B3GLCT: variants seen among roughly 807,000 people sequenced by gnomAD.
B3GLCT encodes beta 3-glucosyltransferase, also known as beta-1,3-glucosyltransferase.
B3GLCT carries 65 observed loss-of-function variants against 63.4 expected under a neutral mutation model. That is an observed-to-expected ratio of 1.03 (90% CI 0.84 to 1.26). B3GLCT has a LOEUF of 1.26. Ranked by LOEUF, B3GLCT falls within the 50% of genes most tolerant of loss-of-function variation. B3GLCT has a pLI of 0.00. For synonymous variants in B3GLCT, 233 were observed against 219.2 expected (o/e 1.06, Z -0.55); for missense variants, 577 against 604.8 (o/e 0.95, Z 0.48).
intron 12 of B3GLCT, among the ~76,000 whole-genome samples, chr13:31,289,371 A>T (rs1873526268): frequency 6.6e-6 from 1 of 152,206 alleles, no homozygotes; most frequent in Admixed American, 6.5e-5. Flanking sequence ...CAAAAGAGTT[A>T]GATATTTAGA....
chr13:31,327,140 T>C (rs995436601), intron 14 of B3GLCT, among the ~76,000 whole-genome samples: 2 of 152,242 alleles, frequency 1.3e-5, no homozygotes, highest in African/African-American at 2.4e-5. Flanking sequence ...TTTTTTCTTA[T>C]ATTTTACATA....
At chr13:31,234,744 G>A (rs1870563034) in intron 4 of B3GLCT, among the ~76,000 whole-genome samples, 1 of 152,128 alleles carries the variant, frequency 6.6e-6, no homozygotes, top group Non-Finnish European at 1.5e-5. Flanking sequence ...GTATTCTGAG[G>A]TGTATCTCTT....
chr13:31,253,510 G>A (rs964690945), intron 6 of B3GLCT, among the ~76,000 whole-genome samples: 21 of 148,580 alleles, frequency 1.4e-4, no homozygotes, highest in African/African-American at 4.2e-4. Context: ...GGAGAATGGC[G>A]TGAACCCGGC....
intron 6 of B3GLCT, among the ~76,000 whole-genome samples, chr13:31,259,889 G>T (rs554951818): frequency 1.3e-5 from 2 of 152,056 alleles, no homozygotes; most frequent in Admixed American, 6.5e-5. Flanking sequence ...CAACGTGCAG[G>T]TTTGTTTTCT....
chr13:31,255,024 AAAG>A (rs1871655391), intron 6 of B3GLCT, among the ~76,000 whole-genome samples: 1 of 48,562 alleles, frequency 2.1e-5, no homozygotes, highest in Admixed American at 2.7e-4. Context: ...GTGACAGTGC[AAAG>A]ACGCTGTCTC....
chr13:31,273,934 C>T (rs1481234334), intron 8 of B3GLCT, among the ~76,000 whole-genome samples: 1 of 152,170 alleles, frequency 6.6e-6, no homozygotes, highest in Non-Finnish European at 1.5e-5. Context: ...TTGGGTGGGT[C>T]ATAGACTTCA....
intron 14 of B3GLCT, among the ~76,000 whole-genome samples, chr13:31,328,488 G>A (rs746411352): frequency 9.9e-5 from 15 of 152,044 alleles, no homozygotes; most frequent in Non-Finnish European, 1.0e-4. Context: ...GAGGTCAGGG[G>A]TTCGAGACCA....
At chr13:31,242,834 T>G (rs1378198914) in intron 4 of B3GLCT, among the ~76,000 whole-genome samples, 1 of 152,248 alleles carries the variant, frequency 6.6e-6, no homozygotes, top group Non-Finnish European at 1.5e-5. Flanking sequence ...CATTTAATGA[T>G]TAAGACAGGT....
chr13:31,254,864 C>T (rs564308537), intron 6 of B3GLCT, among the ~76,000 whole-genome samples: 2 of 151,832 alleles, frequency 1.3e-5, no homozygotes. Flanking sequence ...AGTAAAACCC[C>T]GTCTCTACTA....
At chr13:31,206,271 T>C (rs1868945724) in intron 1 of B3GLCT, among the ~76,000 whole-genome samples, 1 of 152,192 alleles carries the variant, frequency 6.6e-6, no homozygotes, top group Non-Finnish European at 1.5e-5. Flanking sequence ...CCTGTATTTG[T>C]TAAAATGCAG....
intron 1 of B3GLCT, among the ~76,000 whole-genome samples, chr13:31,208,256 C>T (rs146852210): frequency 1.6e-3 from 248 of 152,250 alleles, no homozygotes; most frequent in African/African-American, 5.7e-3. Context: ...AAACAGCTGC[C>T]TTCTCTCCTG....
At chr13:31,235,012 G>T (rs1167496902) in intron 4 of B3GLCT, among the ~76,000 whole-genome samples, 2 of 152,116 alleles carry the variant, frequency 1.3e-5, no homozygotes, top group Admixed American at 6.5e-5. Flanking sequence ...CACAGGGCGG[G>T]TTGCAGACTG....
chr13:31,274,622 G>T lies in B3GLCT; in HGVS notation c.774G>T (p.Pro258=). 1.2e-6 allele frequency: 2 copies of T among 1,614,092 alleles called. No individual in the cohort carries two copies. Among genetic ancestry groups the T allele is most frequent in the South Asian group, 1.1e-5 (1 of 91,080 alleles). ...YCATTFHSFL[P]LCRKPVKKKD... is the part of the protein sequence containing the mutation. The stretch of plus-strand genomic sequence containing the variant: ...CTACCACATTCCATTCTTTTCTACC[G>T]CTTTGTGTGAGTAACAGAAGAAAAA... Residue 258 remains proline, a synonymous_variant, in exon 9 of 15, where the codon CCG becomes CCT. Coordinates refer to ENST00000343307, the MANE Select transcript of B3GLCT (RefSeq NM_194318.4).
chr13:31,323,424 A>G (rs1002654809), intron 13 of B3GLCT, among the ~76,000 whole-genome samples: 16 of 152,224 alleles, frequency 1.1e-4, no homozygotes, highest in African/African-American at 3.9e-4. Flanking sequence ...CTTATGAACC[A>G]TATTGTTTCC....
intron 12 of B3GLCT, among the ~76,000 whole-genome samples, chr13:31,315,853 A>G (rs187091850): frequency 7.7e-4 from 117 of 152,354 alleles, no homozygotes; most frequent in African/African-American, 2.6e-3. Flanking sequence ...ATGCAGCCTC[A>G]GGACTTGGTG....
chr13:31,289,186 C>T (rs556529476), intron 12 of B3GLCT, among the ~76,000 whole-genome samples: 2 of 152,034 alleles, frequency 1.3e-5, no homozygotes, highest in Admixed American at 6.5e-5. Flanking sequence ...TGAAATAATT[C>T]AGCCACACAA....
At chr13:31,262,264 T>C (rs1422844818) in intron 7 of B3GLCT, among the ~76,000 whole-genome samples, 1 of 152,258 alleles carries the variant, frequency 6.6e-6, no homozygotes. Flanking sequence ...ATCTATATGC[T>C]TTAATAAATG....
intron 1 of B3GLCT, among the ~76,000 whole-genome samples, chr13:31,201,347 A>G (rs1331382997): frequency 6.6e-6 from 1 of 152,188 alleles, no homozygotes; most frequent in Non-Finnish European, 1.5e-5. Flanking sequence ...TAAGTGTGGG[A>G]AAAGAGCAAG....
intron 12 of B3GLCT, among the ~76,000 whole-genome samples, chr13:31,312,046 C>T (rs929824322): frequency 6.6e-6 from 1 of 152,158 alleles, no homozygotes; most frequent in Non-Finnish European, 1.5e-5. Flanking sequence ...CTCAATCTTG[C>T]AAGGAAAAGA....
Sources: gnomAD v4.1 joint callset for allele counts (sites outside exome capture counted in the v4.1 genomes callset) on GRCh38, gnomAD v4.1.1 for gene constraint, MANE v1.5 for transcripts, NCBI Gene and HGNC (gene_info 2026-07-23, HGNC 2026-07-21) for gene names.